Variants in GABBR2 observed in about 807,000 individuals in gnomAD.
GABBR2 encodes the protein G-protein coupled receptor 51.
GABBR2 carries 23 observed loss-of-function variants against 105.6 expected under a neutral mutation model. The ratio of observed to expected loss-of-function variants is 0.22; its 90% CI spans 0.16 to 0.31. The LOEUF (loss-of-function observed/expected upper bound fraction) is 0.31. Among genes scored for constraint, GABBR2 ranks in the 10% least tolerant of loss-of-function variants. The probability of loss-of-function intolerance (pLI) is 1.00; values close to 1 mark genes in which losing one functional copy is unlikely to be tolerated. For synonymous variants in GABBR2, 478 were observed against 499.7 expected (o/e 0.96, Z 0.58); for missense variants, 734 against 1,245.5 (o/e 0.59, Z 6.18).
chr9:98,306,591 T>C lies in GABBR2; in HGVS notation c.2005-246A>G, dbSNP rs1830554478. ...GCTGTCCAGTTCTCCTGCACCCCTA[T>C]GACTGGTTCATGCACAGACCTGCCC... On this transcript the variant is annotated intron_variant, in intron 14 of 18. Coordinates refer to ENST00000259455, the MANE Select transcript of GABBR2 (RefSeq NM_005458.8). The surrounding 1 kb of genome is among the most constrained non-coding windows in gnomAD (Gnocchi z 5.4). 1 of 550,100 alleles carries C rather than the reference T, an allele frequency of 1.8e-6. No individual in the cohort carries two copies. Among genetic ancestry groups the C allele is most frequent in the Admixed American group, 3.1e-5 (1 of 32,366 alleles). 34.1% of individuals were successfully genotyped at this position (550,100 alleles called of 1,614,324 possible). A position where few individuals can be genotyped will look rare whatever the true frequency, so the allele number is the denominator to read the frequency against.
At chr9:98,459,325 G>A (rs1564077447) in intron 6 of GABBR2, among the ~76,000 whole-genome samples, 1 of 152,124 alleles carries the variant, frequency 6.6e-6, no homozygotes, top group African/African-American at 2.4e-5. Flanking sequence ...GGACAGCTAG[G>A]ACTGAGAATC....
chr9:98,395,892 C>T (rs1029372701), intron 8 of GABBR2, among the ~76,000 whole-genome samples: 44 of 152,112 alleles, frequency 2.9e-4, no homozygotes, highest in African/African-American at 9.9e-4. Context: ...GGGTACTGAC[C>T]GAGCCTCTAT....
chr9:98,484,101 T>C (rs1353681012), intron 4 of GABBR2, among the ~76,000 whole-genome samples: 6 of 152,198 alleles, frequency 3.9e-5, no homozygotes, highest in Non-Finnish European at 8.8e-5. Context: ...GACCCTGGGC[T>C]CACCATGTCC....
At chr9:98,474,518 G>A (rs1316789552) in intron 5 of GABBR2, among the ~76,000 whole-genome samples, 1 of 152,130 alleles carries the variant, frequency 6.6e-6, no homozygotes, top group Admixed American at 6.5e-5. Context: ...GGGGTGGATG[G>A]AAATTTCCTC....
chr9:98,605,782 ATTT>A (rs540381641), intron 1 of GABBR2, among the ~76,000 whole-genome samples: 1 of 152,022 alleles, frequency 6.6e-6, no homozygotes, highest in African/African-American at 2.4e-5. Flanking sequence ...TCATGTGAGG[ATTT>A]TTTTTATTAT....
chr9:98,692,531 C>G (rs1053263786), intron 1 of GABBR2, among the ~76,000 whole-genome samples: 1 of 152,224 alleles, frequency 6.6e-6, no homozygotes, highest in East Asian at 1.9e-4. Flanking sequence ...CCTTCGGGAA[C>G]AGCCATGATA....
intron 9 of GABBR2, among the ~76,000 whole-genome samples, chr9:98,392,011 GGCCTGGGCTCTGCCCTGACCT>G (rs1167598553): frequency 6.6e-6 from 1 of 152,126 alleles, no homozygotes; most frequent in Non-Finnish European, 1.5e-5. Context: ...GTGGATAGAA[GGCCTGGGCTCTGCCCTGACCT>G]GCCTGGGCTC....
At chr9:98,443,834 A>G (rs1222951283) in intron 7 of GABBR2, among the ~76,000 whole-genome samples, 2 of 152,144 alleles carry the variant, frequency 1.3e-5, no homozygotes, top group African/African-American at 4.8e-5. Flanking sequence ...CACTATTAAT[A>G]TGGGGATGGT....
intron 3 of GABBR2, among the ~76,000 whole-genome samples, chr9:98,505,221 G>C (rs1459983332): frequency 6.6e-6 from 1 of 152,200 alleles, no homozygotes; most frequent in Non-Finnish European, 1.5e-5. Context: ...TTCATTAAGA[G>C]AGCATTCCTT....
chr9:98,648,116 T>TGTGTGTGTATAGATAGATAGATAG, intron 1 of GABBR2, among the ~76,000 whole-genome samples: 56 of 55,948 alleles, frequency 1.0e-3, no homozygotes, highest in African/African-American at 1.7e-3. Flanking sequence ...TGTGTGTGTG[T>TGTGTGTGTATAGATAGATAGATAG]ATAGATAGAT....
chr9:98,292,630 A>G (rs1192740812), intron 18 of GABBR2, among the ~76,000 whole-genome samples: 2 of 152,220 alleles, frequency 1.3e-5, no homozygotes, highest in African/African-American at 4.8e-5. Context: ...TCTGTGTCTT[A>G]AGGCAAGATC....
At chr9:98,515,210 C>T (rs897712705) in intron 3 of GABBR2, among the ~76,000 whole-genome samples, 10 of 152,180 alleles carry the variant, frequency 6.6e-5, no homozygotes, top group African/African-American at 1.4e-4. Context: ...CTCCAAGGAA[C>T]GTCTCAAATT....
intron 2 of GABBR2, among the ~76,000 whole-genome samples, chr9:98,545,268 C>A (rs1828377717): frequency 1.3e-5 from 2 of 152,124 alleles, no homozygotes; most frequent in African/African-American, 4.8e-5. Flanking sequence ...AATATGTGCC[C>A]CGGGTCTAAA....
At chr9:98,648,102 T>TA (rs1830052392) in intron 1 of GABBR2, among the ~76,000 whole-genome samples, 1 of 97,006 alleles carries the variant, frequency 1.0e-5, no homozygotes, top group Middle Eastern at 5.0e-3. Flanking sequence ...TGTGTGTGTG[T>TA]GTGTGTGTGT....
chr9:98,322,768 G>A (rs188092508), intron 13 of GABBR2, among the ~76,000 whole-genome samples: 5 of 152,176 alleles, frequency 3.3e-5, no homozygotes, highest in South Asian at 2.1e-4. Context: ...GGTGAAGTTC[G>A]CATCCATTCC....
At chr9:98,310,646 A>G (rs1199327196) in intron 14 of GABBR2, among the ~76,000 whole-genome samples, 1 of 152,114 alleles carries the variant, frequency 6.6e-6, no homozygotes, top group African/African-American at 2.4e-5. Flanking sequence ...AACCTCTCTG[A>G]GGCTTACCCT....
intron 13 of GABBR2, among the ~76,000 whole-genome samples, chr9:98,320,721 C>A (rs376434597): frequency 6.6e-6 from 1 of 150,824 alleles, no homozygotes; most frequent in African/African-American, 2.4e-5. Flanking sequence ...AGTAAACTAT[C>A]GCAAGAACAA....
chr9:98,633,209 G>A (rs1489827747), intron 1 of GABBR2, among the ~76,000 whole-genome samples: 1 of 152,190 alleles, frequency 6.6e-6, no homozygotes, highest in African/African-American at 2.4e-5. Flanking sequence ...TGTGAGAAGT[G>A]TGAGAAGTGC....
chr9:98,611,067 T>C (rs1010194379), intron 1 of GABBR2, among the ~76,000 whole-genome samples: 3 of 152,066 alleles, frequency 2.0e-5, no homozygotes, highest in African/African-American at 7.2e-5. Flanking sequence ...CTTTCTCAAG[T>C]CTCCCTCTGT....
Sources: gnomAD v4.1 joint callset for allele counts (sites outside exome capture counted in the v4.1 genomes callset) on GRCh38, gnomAD v4.1.1 for gene constraint, Gnocchi (gnomAD v3.1) non-coding constraint, MANE v1.5 for transcripts, NCBI Gene and HGNC (gene_info 2026-07-23, HGNC 2026-07-21) for gene names.